ATP6V0D1: variants seen among roughly 807,000 people sequenced by gnomAD.
ATP6V0D1 encodes the protein V-type proton ATPase subunit d 1.
ATP6V0D1 carries 13 observed loss-of-function variants against 39.0 expected under a neutral mutation model. The observed-to-expected ratio is 0.33, with a 90% CI of 0.22 to 0.53. The LOEUF (loss-of-function observed/expected upper bound fraction) is 0.53, where lower values mean the gene tolerates loss of function less well. ATP6V0D1 is among the 20% of genes least tolerant of loss of function. The pLI is 0.94. For missense variants in ATP6V0D1, 272 were observed against 470.9 expected (o/e 0.58, Z 3.91); for synonymous variants, 191 against 191.2 (o/e 1.00, Z 0.01).
chr16:67,461,179 C>T (rs1213137832), intron 1 of ATP6V0D1, among the ~76,000 whole-genome samples: 2 of 152,208 alleles, frequency 1.3e-5, no homozygotes, highest in South Asian at 2.1e-4. Context: ...CAGAAGGTAC[C>T]TGTTCCTCCT....
intron 1 of ATP6V0D1, among the ~76,000 whole-genome samples, chr16:67,454,153 C>T (rs971794429): frequency 1.3e-5 from 2 of 152,156 alleles, no homozygotes; most frequent in African/African-American, 4.8e-5. Context: ...ACATGAAATA[C>T]AAGAGATGCC....
At position 67,444,457 on chromosome 16, in the gene ATP6V0D1, C is replaced by A; in HGVS notation, c.481+71G>T. ...GGCTCAGGGTCGCCCCCCAGCGGGT[C>A]CACAAACCCCACCCTGATGCGCTGA... On this transcript the variant is annotated intron_variant, in intron 3 of 7. Transcript: ENST00000290949. The surrounding 1 kb of genome is among the most constrained non-coding windows in gnomAD (Gnocchi z 4.8). 1 of 1,496,618 alleles carries A rather than the reference C, an allele frequency of 6.7e-7. No homozygotes were observed. Among genetic ancestry groups the A allele is most frequent in the Non-Finnish European group, 9.0e-7 (1 of 1,113,338 alleles). 92.7% of individuals were successfully genotyped at this position (1,496,618 alleles called of 1,614,324 possible).
intron 1 of ATP6V0D1, among the ~76,000 whole-genome samples, chr16:67,473,906 C>T (rs147413362): frequency 8.5e-5 from 13 of 152,270 alleles, no homozygotes; most frequent in Admixed American, 2.0e-4. Flanking sequence ...CCCCCCGACT[C>T]GGCCTTCTAA....
At chr16:67,443,679 G>A (rs2041081248) in intron 3 of ATP6V0D1, among the ~76,000 whole-genome samples, 1 of 152,194 alleles carries the variant, frequency 6.6e-6, no homozygotes, top group Non-Finnish European at 1.5e-5. Context: ...AGAGAGGCCA[G>A]AGCAGGATAG....
At chr16:67,452,463 C>T in intron 2 of ATP6V0D1, 1 of 1,463,350 alleles carries the variant, frequency 6.8e-7, no homozygotes, top group Non-Finnish European at 9.2e-7. Flanking sequence ...CAGCAGGCAT[C>T]TAACTCTGTC....
intron 4 of ATP6V0D1, among the ~76,000 whole-genome samples, chr16:67,442,400 G>A (rs1263904406): frequency 3.3e-5 from 5 of 151,768 alleles, no homozygotes; most frequent in Non-Finnish European, 5.9e-5. Context: ...GTGCCTCACC[G>A]CAGCCAGAGC....
rs375736701 is a variant in ATP6V0D1, at chr16:67,444,521, G to A, written c.481+7C>T. On this transcript the variant is annotated splice_region_variant and intron_variant, in intron 3 of 7. Coordinates refer to ENST00000290949, the MANE Select transcript of ATP6V0D1 (RefSeq NM_004691.5). The surrounding 1 kb of genome is among the most constrained non-coding windows in gnomAD (Gnocchi z 4.8). Reference sequence around the variant, plus strand: ...GCCCACCTCCCATGACCACCACAGCGGCTCACCAAGAGGCGTGTCCACCAG... The same window carrying A: ...GCCCACCTCCCATGACCACCACAGCAGCTCACCAAGAGGCGTGTCCACCAG... 3.8e-6 allele frequency: 6 copies of A among 1,588,042 alleles called. No homozygotes were observed. In the South Asian group the frequency reaches 4.5e-5, roughly 12 times the overall value.
intron 3 of ATP6V0D1, among the ~76,000 whole-genome samples, chr16:67,443,624 G>A (rs2041079880): frequency 6.6e-6 from 1 of 152,204 alleles, no homozygotes; most frequent in African/African-American, 2.4e-5. Context: ...CCAACAGCAG[G>A]GTAGGCACAG....
intron 1 of ATP6V0D1, 88 bp downstream of exon 1, chr16:67,480,869 G>C: frequency 1.3e-6 from 2 of 1,545,486 alleles, no homozygotes; most frequent in Non-Finnish European, 1.8e-6. Flanking sequence ...GGCCCTTCAA[G>C]ACCCCCCCTT....
chr16:67,481,133 C>A lies in ATP6V0D1; in HGVS notation c.-47G>T. On this transcript the variant is annotated 5_prime_UTR_variant, in exon 1 of 8. Transcript: ENST00000290949. ...ACCGGAGAACCAGGACCGGCCGGCACGAATCGCGACTCCCCAGGTCAGCTG... is the reference window on the plus strand; with the variant it reads ...ACCGGAGAACCAGGACCGGCCGGCAAGAATCGCGACTCCCCAGGTCAGCTG... The A allele has an allele frequency of 5.6e-6, 9 of 1,610,032 alleles. No homozygotes were observed. Among genetic ancestry groups the A allele is most frequent in the Non-Finnish European group, 7.6e-6 (9 of 1,177,478 alleles).
At chr16:67,451,645 C>T (rs1318594594) in intron 2 of ATP6V0D1, among the ~76,000 whole-genome samples, 4 of 152,216 alleles carry the variant, frequency 2.6e-5, no homozygotes, top group African/African-American at 7.2e-5. Flanking sequence ...TGGGCTGACA[C>T]GTGACTGCTG....
chr16:67,458,966 T>C (rs2041266693), intron 1 of ATP6V0D1: 15 of 810,770 alleles, frequency 1.9e-5, no homozygotes, highest in Non-Finnish European at 2.2e-5. Flanking sequence ...CTCCATACCA[T>C]CACCAGAATG....
intron 2 of ATP6V0D1, among the ~76,000 whole-genome samples, chr16:67,451,186 G>A (rs769551375): frequency 9.2e-5 from 14 of 152,316 alleles, no homozygotes; most frequent in South Asian, 4.1e-4. Flanking sequence ...CTTTCCTCCC[G>A]GCAGTGGAGG....
intron 2 of ATP6V0D1, among the ~76,000 whole-genome samples, chr16:67,445,538 C>A (rs907676969): frequency 2.0e-5 from 3 of 152,214 alleles, no homozygotes; most frequent in African/African-American, 7.2e-5. Flanking sequence ...GAACTGTCCT[C>A]TTCTTTTAGG....
At chr16:67,479,917 C>CTCTGGAGCTGTGTGCTGAGAAGAAAGG (rs2041450809) in intron 1 of ATP6V0D1, among the ~76,000 whole-genome samples, 4 of 140,520 alleles carry the variant, frequency 2.8e-5, no homozygotes, top group South Asian at 2.1e-4. Flanking sequence ...GTCAACGCCA[C>CTCTGGAGCTGTGTGCTGAGAAGAAAGG]GGCCGGGCGC....
At chr16:67,460,467 GA>G (rs2041280457) in intron 1 of ATP6V0D1, among the ~76,000 whole-genome samples, 1 of 152,082 alleles carries the variant, frequency 6.6e-6, no homozygotes, top group Non-Finnish European at 1.5e-5. Context: ...ACCACATCTG[GA>G]ACTCTCAGTG....
intron 2 of ATP6V0D1, among the ~76,000 whole-genome samples, chr16:67,449,656 C>T (rs1174964671): frequency 1.3e-5 from 2 of 152,236 alleles, no homozygotes; most frequent in Non-Finnish European, 2.9e-5. Context: ...CTTCTCTATC[C>T]CCACCTGATC....
intron 1 of ATP6V0D1, among the ~76,000 whole-genome samples, chr16:67,477,863 C>A (rs763891689): frequency 6.6e-6 from 1 of 151,910 alleles, no homozygotes; most frequent in Non-Finnish European, 1.5e-5. Flanking sequence ...TTAGTAGAGA[C>A]GGGGTTTCAC....
At position 67,438,573 on chromosome 16, in the gene ATP6V0D1, G is replaced by A. The variant is rs778946445; in HGVS notation, c.1011C>T (p.Ala337=). Residue 337 remains alanine (A), a synonymous_variant, in exon 8 of 8, where the codon GCC becomes GCT. Coordinates refer to ENST00000290949, the MANE Select transcript of ATP6V0D1 (RefSeq NM_004691.5). ...TGTCGATTTTGGCGCGGTGGCGCTGGGCGATACATTCAGCGATCCACACGA... is the reference window on the plus strand; with the variant it reads ...TGTCGATTTTGGCGCGGTGGCGCTGAGCGATACATTCAGCGATCCACACGA... ...RNIVWIAECI[A]QRHRAKIDNY... 3.7e-5 allele frequency: 60 copies of A among 1,613,858 alleles called. No homozygotes were observed. In the Middle Eastern group the frequency reaches 1.5e-3, roughly 40 times the overall value.
Sources: gnomAD v4.1 joint callset for allele counts (sites outside exome capture counted in the v4.1 genomes callset) on GRCh38, gnomAD v4.1.1 for gene constraint, Gnocchi (gnomAD v3.1) non-coding constraint, MANE v1.5 for transcripts, NCBI Gene and HGNC (gene_info 2026-07-23, HGNC 2026-07-21) for gene names.